The following CASS4 variants were observed in gnomAD, a reference collection of about 807,000 sequenced individuals.
The protein encoded by CASS4 is Cas scaffold protein family member 4.
A neutral mutation model predicts 54.2 loss-of-function variants in CASS4; 22 were observed. The ratio of observed to expected loss-of-function variants is 0.41; its 90% CI spans 0.29 to 0.58. The LOEUF (loss-of-function observed/expected upper bound fraction) is 0.58. Ranked by LOEUF, CASS4 falls within the 20% of genes least tolerant of loss-of-function variation. The pLI is 0.36. For synonymous variants in CASS4, 409 were observed against 391.5 expected, an observed-to-expected ratio of 1.04 and a Z score of -0.53; for missense variants, 854 against 986.7, an observed-to-expected ratio of 0.87 and a Z score of 1.80.
At chr20:56,453,160 G>A (rs1424463053) in intron 5 of CASS4, 31 bp downstream of exon 5, 1 of 1,545,318 alleles carries the variant, frequency 6.5e-7, no homozygotes, top group Non-Finnish European at 8.8e-7. Flanking sequence ...GATCGAAAAA[G>A]GGGCTTCAAT....
chr20:56,432,896 A>AGGG (rs113541737), intron 1 of CASS4, among the ~76,000 whole-genome samples: 1 of 151,828 alleles, frequency 6.6e-6, no homozygotes, highest in Non-Finnish European at 1.5e-5. Context: ...AAGTGTGGGC[A>AGGG]GGGGCGTCAC....
intron 1 of CASS4, among the ~76,000 whole-genome samples, chr20:56,434,719 C>T (rs1036791872): frequency 1.3e-4 from 20 of 151,838 alleles, no homozygotes; most frequent in Admixed American, 1.2e-3. Context: ...GCTGGGATTA[C>T]AGACATGAGC....
chr20:56,439,602 G>A (rs1980362258), intron 2 of CASS4, among the ~76,000 whole-genome samples: 1 of 151,964 alleles, frequency 6.6e-6, no homozygotes, highest in Admixed American at 6.6e-5. Flanking sequence ...TTTGAGCCCA[G>A]GAGATTGAAG....
intron 5 of CASS4, among the ~76,000 whole-genome samples, chr20:56,454,450 C>T (rs1194271776): frequency 6.6e-6 from 1 of 152,080 alleles, no homozygotes; most frequent in Non-Finnish European, 1.5e-5. Flanking sequence ...TTAAACAAAC[C>T]ATGTGGGTCA....
intron 1 of CASS4, among the ~76,000 whole-genome samples, chr20:56,426,470 G>T (rs1444503164): frequency 3.3e-5 from 5 of 152,146 alleles, no homozygotes; most frequent in Non-Finnish European, 7.4e-5. Flanking sequence ...TCCTTTCAGG[G>T]CGAACAGAAT....
intron 1 of CASS4, among the ~76,000 whole-genome samples, chr20:56,426,366 T>C (rs1271113975): frequency 6.6e-6 from 1 of 152,096 alleles, no homozygotes. Flanking sequence ...TGACACAGAG[T>C]TGAGAACCCG....
chr20:56,451,196 G>A lies in CASS4; in HGVS notation c.642+517G>A, dbSNP rs75193011. 0.014 allele frequency among the ~76,000 whole-genome samples: 2,148 copies of A among 152,158 alleles called. 116 individuals carry two copies. In the East Asian group the frequency reaches 0.2, roughly 15 times the overall value. ...GTCGTTTAACTTCTCTGTTTTTATG[G>A]GCTGGGAGTATTAAGTGAGATAATC... is the stretch of plus-strand genomic sequence containing the variant. On this transcript the variant is annotated intron_variant, in intron 4 of 5. Coordinates refer to ENST00000679887, the MANE Select transcript of CASS4 (RefSeq NM_020356.4).
Position 56,458,694 on chromosome 20 carries a change from G to A in CASS4, c.2308G>A (p.Glu770Lys). ...TGCCGCGCTGGGGCACCTCCAGGCG[G>A]AGGCTGAGAAGCTGGAGCAACACAC... ...SPAALGHLQA[E>K]AEKLEQHTRQ... The change falls in exon 6 of 6, where the codon GAG becomes AAG. Residue 770 changes from glutamate to lysine, a missense_variant. By Grantham distance (56) the Glu-to-Lys change is moderately conservative. Coordinates refer to ENST00000679887, the MANE Select transcript of CASS4 (RefSeq NM_020356.4). 1 of 1,612,296 alleles carries A rather than the reference G, an allele frequency of 6.2e-7. No individual in the cohort carries two copies. Among genetic ancestry groups the A allele is most frequent in the Non-Finnish European group, 8.5e-7 (1 of 1,179,480 alleles).
At chr20:56,432,816 C>G (rs761759185) in intron 1 of CASS4, among the ~76,000 whole-genome samples, 47 of 152,194 alleles carry the variant, frequency 3.1e-4, no homozygotes, top group Non-Finnish European at 3.2e-4. Context: ...ATTCCGTGTG[C>G]AGACTAGTTA....
rs3746621 is a variant in CASS4 at position 56,437,364 on chromosome 20, G to A, written c.237G>A (p.Pro79=). ...TCACGGAGGTCGCTGCAGACAGGCCGTGCCCCCCATTCCTGAGAGGCCTGG... is the reference window on the plus strand; with the variant it reads ...TCACGGAGGTCGCTGCAGACAGGCCATGCCCCCCATTCCTGAGAGGCCTGG... ...QILTEVAADR[P]CPPFLRGLEE... The change falls in exon 2 of 6, where the codon CCG becomes CCA. Residue 79 remains proline (P), a synonymous_variant. Coordinates refer to ENST00000679887, the MANE Select transcript of CASS4 (RefSeq NM_020356.4). The surrounding 1 kb of genome is among the most constrained non-coding windows in gnomAD (Gnocchi z 4.7). The A allele has an allele frequency of 2.8e-4, 453 of 1,614,068 alleles. 3 individuals are homozygous for A. The East Asian group carries it at 8.6e-3, about 31-fold the overall frequency.
chr20:56,413,235 A>C (rs891116154), intron 1 of CASS4, among the ~76,000 whole-genome samples: 3 of 152,084 alleles, frequency 2.0e-5, no homozygotes, highest in Non-Finnish European at 2.9e-5. Flanking sequence ...TTACCCAGAC[A>C]TAAAGAAAGT....
chr20:56,458,415 C>T lies in CASS4; in HGVS notation c.2029C>T (p.Arg677Trp), dbSNP rs1981407981. The T allele has an allele frequency of 1.2e-6, 2 of 1,613,976 alleles. No individual in the cohort carries two copies. Among genetic ancestry groups the T allele is most frequent in the Admixed American group, 1.7e-5 (1 of 59,980 alleles). The change falls in exon 6 of 6, where the codon CGG (arginine) becomes TGG (tryptophan). Residue 677 changes from arginine to tryptophan, a missense_variant. Physicochemically the swap from Arg to Trp is moderately radical, Grantham distance 101 (BLOSUM62 -3). Transcript: ENST00000679887. ...GAAACCCCGCTTATCTGAACACTGC[C>T]GGCTCTACTTTGGGGCGCTCTTCAA... ...ERKPRLSEHC[R>W]LYFGALFKAI...
chr20:56,418,003 A>G (rs576439358), intron 1 of CASS4, among the ~76,000 whole-genome samples: 1 of 151,880 alleles, frequency 6.6e-6, no homozygotes, highest in African/African-American at 2.4e-5. Context: ...ACAACACCCA[A>G]CTCGAAAACA....
Position 56,423,837 on chromosome 20 carries a change from G to A in CASS4, c.36+11343G>A, listed in dbSNP as rs970152406. On this transcript the variant is annotated intron_variant, in intron 1 of 5. Coordinates refer to ENST00000679887, the MANE Select transcript of CASS4 (RefSeq NM_020356.4). ...TGGGATTACAGACATGAGCCACTGC[G>A]CCTGGCCTTAAATGTTACTTAAATA... Among the ~76,000 whole-genome samples, 8 of 152,156 alleles carry A rather than the reference G, an allele frequency of 5.3e-5. No individual in the cohort carries two copies. In the East Asian group the frequency reaches 9.6e-4, roughly 18 times the overall value.
intron 1 of CASS4, among the ~76,000 whole-genome samples, chr20:56,413,672 CAAAAAAAAAAAAA>C (rs35217347): frequency 1.4e-4 from 4 of 28,310 alleles, no homozygotes; most frequent in South Asian, 1.3e-3. Context: ...GACTCTGTCT[CAAAAAAAAAAAAA>C]AAAAAAAAAA....
intron 1 of CASS4, among the ~76,000 whole-genome samples, chr20:56,418,452 C>G (rs973954048): frequency 1.3e-5 from 2 of 152,282 alleles, no homozygotes; most frequent in East Asian, 3.9e-4. Context: ...CAAAGGAAAC[C>G]ACCAGCCCAC....
At chr20:56,425,386 A>G (rs767905395) in intron 1 of CASS4, among the ~76,000 whole-genome samples, 1 of 152,250 alleles carries the variant, frequency 6.6e-6, no homozygotes, top group Admixed American at 6.5e-5. Context: ...CTCTCAAGGA[A>G]GAGGTAAATG....
At position 56,438,063 on chromosome 20, in the gene CASS4, G is replaced by A. The variant is rs533754016; in HGVS notation, c.459+477G>A. Among the ~76,000 whole-genome samples the A allele has an allele frequency of 1.4e-4, 22 of 152,272 alleles. No homozygotes were observed. In the South Asian group the frequency reaches 1.7e-3, roughly 11 times the overall value. On this transcript the variant is annotated intron_variant, in intron 2 of 5. Coordinates refer to ENST00000679887, the MANE Select transcript of CASS4 (RefSeq NM_020356.4). Reference sequence around the variant, plus strand: ...CCAGTACTCTGGGGGGACGAGACAGGAGGATCATTTGAACTCAGAGTTCGG... The same window carrying A: ...CCAGTACTCTGGGGGGACGAGACAGAAGGATCATTTGAACTCAGAGTTCGG...
At chr20:56,448,133 C>A (rs1398870076) in intron 3 of CASS4, among the ~76,000 whole-genome samples, 1 of 124,338 alleles carries the variant, frequency 8.0e-6, no homozygotes, top group Admixed American at 8.0e-5. Context: ...CAGAGTGAGA[C>A]TCTGTCTCAA....
Sources: gnomAD v4.1 joint callset for allele counts (sites outside exome capture counted in the v4.1 genomes callset) on GRCh38, gnomAD v4.1.1 for gene constraint, Gnocchi (gnomAD v3.1) non-coding constraint, MANE v1.5 for transcripts, NCBI Gene and HGNC (gene_info 2026-07-23, HGNC 2026-07-21) for gene names.